The following MYO9A variants were observed in gnomAD, a reference collection of about 807,000 sequenced individuals.
The protein encoded by MYO9A is unconventional myosin-IXa.
A neutral mutation model predicts 293.3 loss-of-function variants in MYO9A; 103 were observed. That is an observed-to-expected ratio of 0.35 (90% CI 0.30 to 0.41). The LOEUF is 0.41. Ranked by LOEUF, MYO9A falls within the 10% of genes least tolerant of loss-of-function variation. The pLI, the probability that MYO9A is intolerant of heterozygous loss-of-function variation, is 1.00. For synonymous variants in MYO9A, 1,001 were observed against 1,035.7 expected, an observed-to-expected ratio of 0.97 and a Z score of 0.64; for missense variants, 2,685 against 3,033.0, an observed-to-expected ratio of 0.89 and a Z score of 2.69.
intron 1 of MYO9A, among the ~76,000 whole-genome samples, chr15:72,112,476 T>C (rs559591124): frequency 2.6e-5 from 4 of 152,352 alleles, no homozygotes; most frequent in South Asian, 2.1e-4. Context: ...TCAGCAAATA[T>C]ACTTTGTTCT....
At chr15:71,948,874 T>G (rs1352346507) in intron 15 of MYO9A, among the ~76,000 whole-genome samples, 1 of 151,642 alleles carries the variant, frequency 6.6e-6, no homozygotes, top group African/African-American at 2.4e-5. Context: ...TTCTGAAGAT[T>G]GTTAATTTTT....
At chr15:72,003,923 T>C (rs1244990528) in intron 8 of MYO9A, among the ~76,000 whole-genome samples, 1 of 152,168 alleles carries the variant, frequency 6.6e-6, no homozygotes, top group Non-Finnish European at 1.5e-5. Flanking sequence ...CTAATGATCC[T>C]TCTAATTGCA....
At chr15:72,035,900 G>A (rs1391391761) in intron 2 of MYO9A, among the ~76,000 whole-genome samples, 1 of 152,178 alleles carries the variant, frequency 6.6e-6, no homozygotes, top group Non-Finnish European at 1.5e-5. Flanking sequence ...AAGTGATTCT[G>A]AGTCATGAAA....
intron 8 of MYO9A, among the ~76,000 whole-genome samples, chr15:72,003,023 A>C (rs2076911624): frequency 6.6e-6 from 1 of 152,190 alleles, no homozygotes; most frequent in Non-Finnish European, 1.5e-5. Flanking sequence ...TAATCCCAGC[A>C]CTTTGGGAGA....
chr15:72,062,997 G>A (rs1401554730), intron 1 of MYO9A, among the ~76,000 whole-genome samples: 1 of 152,198 alleles, frequency 6.6e-6, no homozygotes, highest in Non-Finnish European at 1.5e-5. Context: ...ACTCCAGCCT[G>A]GATGACAGAG....
chr15:71,938,262 T>C (rs1422939646), intron 16 of MYO9A, among the ~76,000 whole-genome samples: 1 of 152,146 alleles, frequency 6.6e-6, no homozygotes. Context: ...AATTTTTTGA[T>C]GATGTTTAAA....
At chr15:71,903,734 A>C (rs2057549117) in intron 21 of MYO9A, among the ~76,000 whole-genome samples, 195 bp downstream of exon 21, 1 of 152,228 alleles carries the variant, frequency 6.6e-6, no homozygotes, top group African/African-American at 2.4e-5. Context: ...ATTCTATTAC[A>C]ATAAGCTTAA....
intron 8 of MYO9A, among the ~76,000 whole-genome samples, chr15:72,003,491 T>C (rs986920903): frequency 6.6e-5 from 10 of 151,492 alleles, no homozygotes; most frequent in African/African-American, 2.4e-4. Context: ...GGTCAGGAGA[T>C]CGAGACCATC....
chr15:72,046,792 T>G (rs1291597768), intron 1 of MYO9A, among the ~76,000 whole-genome samples, 158 bp from the exon 2 acceptor site: 5 of 152,226 alleles, frequency 3.3e-5, no homozygotes, highest in Non-Finnish European at 7.3e-5. Flanking sequence ...GACCACATAA[T>G]ATTAAGTTTC....
At chr15:72,112,218 A>T (rs2080803745) in intron 1 of MYO9A, among the ~76,000 whole-genome samples, 1 of 152,226 alleles carries the variant, frequency 6.6e-6, no homozygotes, top group South Asian at 2.1e-4. Flanking sequence ...TGTAAAAAAA[A>T]ATAAATAAAT....
At chr15:72,017,292 C>T (rs1364558407) in intron 6 of MYO9A, among the ~76,000 whole-genome samples, 4 of 152,096 alleles carry the variant, frequency 2.6e-5, no homozygotes, top group Admixed American at 6.6e-5. Flanking sequence ...GAATTACAGG[C>T]GTGAGCCACT....
chr15:72,015,336 G>A (rs935522564), intron 6 of MYO9A, among the ~76,000 whole-genome samples: 2 of 152,170 alleles, frequency 1.3e-5, no homozygotes, highest in African/African-American at 4.8e-5. Flanking sequence ...ACTTAAAACA[G>A]AGTAGATGAA....
intron 34 of MYO9A, among the ~76,000 whole-genome samples, chr15:71,856,474 C>G (rs771646488): frequency 6.6e-6 from 1 of 151,664 alleles, no homozygotes; most frequent in Non-Finnish European, 1.5e-5. Context: ...TGATGTTCAA[C>G]CTTAGTGTTG....
intron 7 of MYO9A, 81 bp downstream of exon 7, chr15:72,010,269 A>G: frequency 8.5e-7 from 1 of 1,179,940 alleles, no homozygotes; most frequent in African/African-American, 1.5e-5. Context: ...AAACTATTTA[A>G]AAAGGTCAAC....
chr15:71,959,990 G>T lies in MYO9A; in HGVS notation c.2093C>A (p.Ala698Asp). 1 of 1,614,026 alleles carries T rather than the reference G, an allele frequency of 6.2e-7. No homozygotes were observed. Among genetic ancestry groups the T allele is most frequent in the Non-Finnish European group, 8.5e-7 (1 of 1,179,966 alleles). ...ISGMIGIDPV[A>D]VFRWAILRAF... is the part of the protein sequence containing the mutation. ...TCGGAGAATTGCCCATCGGAAAACA[G>T]CTACAGGATCAATTCCAATCATCCC... The change falls in exon 14 of 42, where the codon GCT becomes GAT. Residue 698 changes from alanine to aspartate, a missense_variant. Physicochemically the swap from Ala to Asp is moderately radical, Grantham distance 126. Around this residue, in one of 10 missense-constraint regions of MYO9A, gnomAD observed 201 missense variants for 245.2 expected, o/e 0.82. Transcript: ENST00000356056.
chr15:72,111,113 T>C (rs1458129405), intron 1 of MYO9A, among the ~76,000 whole-genome samples: 1 of 149,752 alleles, frequency 6.7e-6, no homozygotes, highest in Non-Finnish European at 1.5e-5. Context: ...GAGCCGAGAT[T>C]GCACCCCTGC....
intron 1 of MYO9A, among the ~76,000 whole-genome samples, chr15:72,109,057 C>T (rs1381124730): frequency 6.6e-6 from 1 of 152,048 alleles, no homozygotes; most frequent in African/African-American, 2.4e-5. Flanking sequence ...GTCACGGCAC[C>T]CAGCCGCAAC....
intron 1 of MYO9A, 46 bp downstream of exon 1, chr15:72,117,634 G>A (rs1366508900): frequency 1.0e-5 from 4 of 395,090 alleles, no homozygotes; most frequent in Non-Finnish European, 1.8e-5. Flanking sequence ...CTGAGACGTG[G>A]GCCAGGACGG....
chr15:71,851,232 T>G, intron 37 of MYO9A, 21 bp downstream of exon 37: 1 of 1,564,808 alleles, frequency 6.4e-7, no homozygotes, highest in East Asian at 2.2e-5. Context: ...TAAAAATCGT[T>G]CCCTTGCTTC....
Sources: gnomAD v4.1 joint callset for allele counts (sites outside exome capture counted in the v4.1 genomes callset) on GRCh38, gnomAD v4.1.1 for gene constraint, gnomAD v4.1.1 regional missense constraint, MANE v1.5 for transcripts, NCBI Gene and HGNC (gene_info 2026-07-23, HGNC 2026-07-21) for gene names.